AGBL1: variants seen among roughly 807,000 people sequenced by gnomAD.
AGBL1 encodes the protein AGBL carboxypeptidase 1.
A neutral mutation model predicts 118.9 loss-of-function variants in AGBL1; 130 were observed. That is an observed-to-expected ratio of 1.09 (90% CI 0.95 to 1.26). AGBL1 has a LOEUF of 1.26. Ranked by LOEUF, AGBL1 falls within the 50% of genes most tolerant of loss-of-function variation. The probability of loss-of-function intolerance (pLI) is 0.00; values close to 1 mark genes in which losing one functional copy is unlikely to be tolerated. For missense variants in AGBL1, 1,584 were observed against 1,298.1 expected, an observed-to-expected ratio of 1.22 and a Z score of -3.38; for synonymous variants, 555 against 478.9, an observed-to-expected ratio of 1.16 and a Z score of -2.08.
intron 22 of AGBL1, among the ~76,000 whole-genome samples, chr15:86,873,021 G>T (rs1251431326): frequency 6.6e-6 from 1 of 152,182 alleles, no homozygotes; most frequent in Non-Finnish European, 1.5e-5. Context: ...TCTGGCATCT[G>T]TCTTTGTGAT....
intron 17 of AGBL1, among the ~76,000 whole-genome samples, chr15:86,380,558 C>T (rs752583994): frequency 1.3e-4 from 19 of 151,052 alleles, no homozygotes; most frequent in Non-Finnish European, 2.5e-4. Context: ...CTTCTTCCTC[C>T]GTCCCTTTCC....
At position 86,143,833 on chromosome 15, in the gene AGBL1, GT is replaced by G. The variant is rs2076997469; in HGVS notation, c.252del (p.Gly85AlafsTer2). The G allele has an allele frequency of 1.2e-6, 2 of 1,613,742 alleles. No homozygotes were observed. Among genetic ancestry groups the G allele is most frequent in the Non-Finnish European group, 1.7e-6 (2 of 1,179,736 alleles). ...LLPLFRLLAK[V>X]GLRDKKIGRK... is the part of the protein sequence containing the mutation. ...GCCTCTCTTCCGGCTGCTGGCCAAA[GT>G]TGGCCTAAGAGGTACTCGTACTCCA... On this transcript the variant is annotated frameshift_variant, in exon 3 of 23. Coordinates refer to ENST00000614907, the MANE Select transcript of AGBL1 (RefSeq NM_001386094.1). LOFTEE classifies it high-confidence loss of function.
chr15:86,673,409 C>T (rs532596656), intron 21 of AGBL1, among the ~76,000 whole-genome samples: 1 of 152,304 alleles, frequency 6.6e-6, no homozygotes, highest in East Asian at 1.9e-4. Context: ...CTTTCTAGCT[C>T]ACCACAATGG....
chr15:86,810,566 C>A (rs1317172356), intron 22 of AGBL1, among the ~76,000 whole-genome samples: 1 of 152,026 alleles, frequency 6.6e-6, no homozygotes, highest in Non-Finnish European at 1.5e-5. Flanking sequence ...ATATTATAGT[C>A]CTGGCAGGAC....
At chr15:86,886,598 C>T (rs542744534) in intron 22 of AGBL1, among the ~76,000 whole-genome samples, 21 of 152,274 alleles carry the variant, frequency 1.4e-4, no homozygotes, top group African/African-American at 5.1e-4. Flanking sequence ...TCTCTGGCTT[C>T]TAAGGGACCA....
chr15:86,344,073 G>C (rs540931634), intron 17 of AGBL1, among the ~76,000 whole-genome samples: 1 of 152,344 alleles, frequency 6.6e-6, no homozygotes, highest in South Asian at 2.1e-4. Context: ...GGAAAGGTCA[G>C]TTTGGCACTG....
At chr15:86,216,710 AG>A (rs1260832318) in intron 5 of AGBL1, among the ~76,000 whole-genome samples, 1 of 152,050 alleles carries the variant, frequency 6.6e-6, no homozygotes, top group Non-Finnish European at 1.5e-5. Context: ...TTGTCTTCCT[AG>A]TCCTTTAAAA....
At chr15:86,475,175 C>A (rs535646881) in intron 18 of AGBL1, among the ~76,000 whole-genome samples, 3 of 152,182 alleles carry the variant, frequency 2.0e-5, no homozygotes, top group African/African-American at 7.2e-5. Flanking sequence ...GCCTCTCCCC[C>A]TCCAAAGGAA....
chr15:86,561,746 A>C (rs1243107547), intron 21 of AGBL1, among the ~76,000 whole-genome samples: 2 of 152,142 alleles, frequency 1.3e-5, no homozygotes, highest in African/African-American at 4.8e-5. Flanking sequence ...ACCTTGGGCA[A>C]TATGGCCATT....
At chr15:86,275,233 C>T (rs1187015587) in intron 15 of AGBL1, among the ~76,000 whole-genome samples, 1 of 152,154 alleles carries the variant, frequency 6.6e-6, no homozygotes, top group Non-Finnish European at 1.5e-5. Flanking sequence ...AACGGCTGAT[C>T]TCTTCTGACA....
chr15:86,476,335 C>T (rs905637373), intron 18 of AGBL1, among the ~76,000 whole-genome samples: 2 of 152,104 alleles, frequency 1.3e-5, no homozygotes, highest in South Asian at 2.1e-4. Context: ...TCAGGAGACC[C>T]ATCTCAAGTG....
chr15:86,483,744 G>T (rs986348757), intron 18 of AGBL1, among the ~76,000 whole-genome samples: 1 of 152,094 alleles, frequency 6.6e-6, no homozygotes, highest in Non-Finnish European at 1.5e-5. Flanking sequence ...TTTCCAAAGT[G>T]ATTACAGAAA....
intron 22 of AGBL1, among the ~76,000 whole-genome samples, chr15:86,835,672 A>C (rs1363883047): frequency 6.6e-6 from 1 of 152,142 alleles, no homozygotes; most frequent in African/African-American, 2.4e-5. Flanking sequence ...AGTAGGTGAA[A>C]TATATGGCTA....
intron 22 of AGBL1, among the ~76,000 whole-genome samples, chr15:86,748,614 G>T (rs866942263): frequency 7.5e-6 from 1 of 133,432 alleles, no homozygotes; most frequent in African/African-American, 2.9e-5. Context: ...GTAATGCCTA[G>T]GTTTTCTTCT....
chr15:86,081,269 T>C (rs1895264101), intron 1 of AGBL1, among the ~76,000 whole-genome samples: 1 of 152,232 alleles, frequency 6.6e-6, no homozygotes, highest in South Asian at 2.1e-4. Flanking sequence ...GGTCTCAAAC[T>C]CCTGACCTCA....
chr15:86,297,316 A>G (rs1161319540), intron 17 of AGBL1, among the ~76,000 whole-genome samples: 1 of 152,162 alleles, frequency 6.6e-6, no homozygotes, highest in Non-Finnish European at 1.5e-5. Flanking sequence ...ATTGAGCTAG[A>G]TCCTGAGGAA....
intron 17 of AGBL1, among the ~76,000 whole-genome samples, chr15:86,300,477 C>T (rs1307654720): frequency 6.6e-6 from 1 of 152,174 alleles, no homozygotes; most frequent in Non-Finnish European, 1.5e-5. Flanking sequence ...ATGTCATTCT[C>T]CTATTAGAAA....
At chr15:86,950,139 G>A (rs1484707116) in intron 23 of AGBL1, among the ~76,000 whole-genome samples, 2 of 151,672 alleles carry the variant, frequency 1.3e-5, no homozygotes, top group African/African-American at 4.8e-5. Flanking sequence ...CCTGTTTAGA[G>A]GAGAAATTAC....
At chr15:86,840,882 A>G (rs1261231931) in intron 22 of AGBL1, among the ~76,000 whole-genome samples, 2 of 152,136 alleles carry the variant, frequency 1.3e-5, no homozygotes, top group Non-Finnish European at 2.9e-5. Flanking sequence ...CAACCATGCT[A>G]TTTCTCCAGA....
Sources: allele counts gnomAD v4.1 joint callset (sites outside exome capture counted in the v4.1 genomes callset), GRCh38; gene constraint gnomAD v4.1.1; transcripts MANE v1.5; gene names NCBI Gene and HGNC (gene_info 2026-07-23, HGNC 2026-07-21).